SYNPO: variants seen among roughly 807,000 people sequenced by gnomAD.
SYNPO encodes synaptopodin.
A neutral mutation model predicts 49.5 loss-of-function variants in SYNPO; 19 were observed. The ratio of observed to expected loss-of-function variants is 0.38; its 90% confidence interval spans 0.27 to 0.56. The LOEUF is 0.56. Among genes scored for constraint, SYNPO ranks in the 20% least tolerant of loss-of-function variants. The pLI is 0.68. For missense variants in SYNPO, 1,131 were observed against 1,248.3 expected (o/e 0.91, Z 1.42); for synonymous variants, 536 against 548.0 (o/e 0.98, Z 0.31).
chr5:150,611,728 C>T (rs964210491), intron 1 of SYNPO, among the ~76,000 whole-genome samples: 3 of 152,164 alleles, frequency 2.0e-5, no homozygotes, highest in African/African-American at 7.2e-5. Context: ...GTCAGTCTGT[C>T]CTGAAGGACT....
chr5:150,599,358 G>A (rs1756480841), upstream of SYNPO, among the ~76,000 whole-genome samples: 1 of 152,242 alleles, frequency 6.6e-6, no homozygotes, highest in African/African-American at 2.4e-5. Context: ...TTCATGGATG[G>A]TTTGGGGGTG....
chr5:150,628,792 C>T (rs1167251382), intron 2 of SYNPO, among the ~76,000 whole-genome samples: 1 of 152,190 alleles, frequency 6.6e-6, no homozygotes, highest in Non-Finnish European at 1.5e-5. Flanking sequence ...CCTGTAATCT[C>T]AGCTCCTCAG....
chr5:150,600,198 C>T (rs1756496229), upstream of SYNPO, among the ~76,000 whole-genome samples: 1 of 152,250 alleles, frequency 6.6e-6, no homozygotes. Context: ...GCTCCTGCAC[C>T]TGAGGCTTCC....
At position 150,619,472 on chromosome 5, in the gene SYNPO, G is replaced by A. The variant is rs560617756; in HGVS notation, c.400+705G>A. Among the ~76,000 whole-genome samples, 17 of 152,288 alleles carry A rather than the reference G, an allele frequency of 1.1e-4. No individual in the cohort carries two copies. The South Asian group carries it at 2.5e-3, about 22-fold the overall frequency. On this transcript the variant is annotated intron_variant, in intron 2 of 2. Coordinates refer to the SYNPO transcript ENST00000394243. ...AGCGTGTGGGGAGAGCACAGTGTGC[G>A]CGGCACGGAAGGAAGGAAGGGCAGG...
upstream of SYNPO, among the ~76,000 whole-genome samples, chr5:150,637,917 C>T (rs1044450145): frequency 2.0e-5 from 3 of 152,102 alleles, no homozygotes; most frequent in Non-Finnish European, 2.9e-5. Flanking sequence ...AGTTATGTAA[C>T]CCACCCGGAG....
upstream of SYNPO, among the ~76,000 whole-genome samples, chr5:150,600,009 C>T (rs1756492991): frequency 6.6e-6 from 1 of 152,294 alleles, no homozygotes; most frequent in East Asian, 1.9e-4. Context: ...GAACAGCTTG[C>T]CGGCAAAACC....
intron 2 of SYNPO, chr5:150,653,825 G>C (rs977528559): frequency 4.6e-5 from 7 of 152,184 alleles, no homozygotes; most frequent in African/African-American, 1.2e-4. Context: ...TTAACTTTCA[G>C]CTTGATGACT....
the SYNPO span, among the ~76,000 whole-genome samples, chr5:150,588,033 G>T: frequency 6.6e-6 from 1 of 152,194 alleles, no homozygotes; most frequent in Non-Finnish European, 1.5e-5. Flanking sequence ...TGAACGCCAG[G>T]CCCCTAGGGG....
the SYNPO span, among the ~76,000 whole-genome samples, chr5:150,587,804 G>A: frequency 1.3e-5 from 2 of 152,182 alleles, no homozygotes; most frequent in Non-Finnish European, 2.9e-5. Flanking sequence ...CTCTGGAAAA[G>A]GGGCCAGAAG....
intron 2 of SYNPO, among the ~76,000 whole-genome samples, chr5:150,655,091 C>T (rs1758511683): frequency 6.6e-6 from 1 of 152,206 alleles, no homozygotes; most frequent in South Asian, 2.1e-4. Context: ...TGCCATTGCA[C>T]TCCAGCCTGA....
upstream of SYNPO, among the ~76,000 whole-genome samples, chr5:150,598,533 G>T (rs1012136108): frequency 2.0e-5 from 3 of 152,308 alleles, no homozygotes; most frequent in South Asian, 6.2e-4. Flanking sequence ...GAAACGCTTA[G>T]TACAGTGCCC....
In SYNPO at chr5:150,649,390, C is replaced by T. The variant is rs768114352; in HGVS notation, c.1115C>T (p.Ala372Val). The T allele has an allele frequency of 3.1e-6, 5 of 1,613,668 alleles. No individual in the cohort carries two copies. The African/African-American group carries it at 6.7e-5, about 22-fold the overall frequency. Residue 372 changes from alanine to valine, a missense_variant, in exon 2 of 3, where the codon GCC (alanine) becomes GTC (valine). Coordinates refer to ENST00000307662, the MANE Select transcript of SYNPO (RefSeq NM_007286.6). The part of the protein sequence containing the change: ...SKTGILEESM[A>V]RRGSRKSMFT... ...ACGGGCATTCTGGAGGAGTCGATGG[C>T]CCGCCGGGGCAGCCGCAAATCCATG... is the stretch of plus-strand genomic sequence containing the variant.
At position 150,656,688 on chromosome 5, in the gene SYNPO, C is replaced by G. The variant is rs1198712092; in HGVS notation, c.2313C>G (p.Ser771=). 2.1e-6 allele frequency: 3 copies of G among 1,459,424 alleles called. No individual in the cohort carries two copies. In the Admixed American group the frequency reaches 7.3e-5, roughly 36 times the overall value. The allele number at this position is 1,459,424 out of a possible 1,614,324, so 90.4% of individuals were successfully genotyped here. A position where few individuals can be genotyped will look rare whatever the true frequency, so the allele number is the denominator to read the frequency against. ...ATGCGGCCCGGCGCAAGAGCGCCTC[C>G]CCGCGGTCGGCGGGCGCCGAGAACC... ...IINAARRKSA[S]PRSAGAENPR... is the part of the protein sequence containing the mutation. The change falls in exon 3 of 3, where the codon TCC becomes TCG. Residue 771 remains serine, a synonymous_variant. Transcript: ENST00000307662.
chr5:150,618,257 GAGGAGGC>G (rs1245809365), exon 2 of SYNPO: 31 of 1,328,532 alleles, frequency 2.3e-5, no homozygotes, highest in Non-Finnish European at 3.0e-5. Context: ...CAGAGAGTCA[GAGGAGGC>G]TGTGTAAGGA....
intron 2 of SYNPO, among the ~76,000 whole-genome samples, chr5:150,629,243 G>T (rs143147743): frequency 7.9e-5 from 12 of 152,098 alleles, no homozygotes; most frequent in African/African-American, 2.9e-4. Context: ...GAACTCCTGG[G>T]CTCAAGTGAT....
chr5:150,607,706 C>T (rs180902443), intron 1 of SYNPO, among the ~76,000 whole-genome samples: 1 of 151,828 alleles, frequency 6.6e-6, no homozygotes, highest in African/African-American at 2.4e-5. Context: ...ACTGCAATGC[C>T]AGCACTGTCC....
At chr5:150,636,058 T>G (rs1451774681), upstream of SYNPO, among the ~76,000 whole-genome samples, 1 of 152,224 alleles carries the variant, frequency 6.6e-6, no homozygotes, top group Non-Finnish European at 1.5e-5. Flanking sequence ...CTGACTTACT[T>G]GTGTATTTAT....
chr5:150,610,267 C>G (rs1756811096), intron 1 of SYNPO, among the ~76,000 whole-genome samples: 1 of 152,194 alleles, frequency 6.6e-6, no homozygotes, highest in Admixed American at 6.5e-5. Flanking sequence ...AGAGTGGAGG[C>G]ATGTGGCCAC....
At chr5:150,619,054 C>G (rs1162231399) in intron 2 of SYNPO, among the ~76,000 whole-genome samples, 1 of 152,108 alleles carries the variant, frequency 6.6e-6, no homozygotes, top group East Asian at 1.9e-4. Flanking sequence ...AAAAAAATGC[C>G]CATTTCCCAC....
Sources: gnomAD v4.1 joint callset for allele counts (sites outside exome capture counted in the v4.1 genomes callset) on GRCh38, gnomAD v4.1.1 for gene constraint, MANE v1.5 for transcripts, NCBI Gene and HGNC (gene_info 2026-07-23, HGNC 2026-07-21) for gene names.